Variants in CPED1 observed in about 807,000 individuals in gnomAD.
CPED1 encodes cadherin like and PC-esterase domain containing 1.
A neutral mutation model predicts 128.2 loss-of-function variants in CPED1; 114 were observed. The observed-to-expected ratio is 0.89, with a 90% CI of 0.76 to 1.04. CPED1 has a LOEUF of 1.04. CPED1 is among the 50% of genes least tolerant of loss of function. CPED1 has a pLI of 0.00. For synonymous variants in CPED1, 462 were observed against 426.7 expected (o/e 1.08, Z -1.02); for missense variants, 1,211 against 1,207.1 (o/e 1.00, Z -0.05).
At chr7:121,203,261 G>C (rs1797441148) in intron 16 of CPED1, among the ~76,000 whole-genome samples, 1 of 151,992 alleles carries the variant, frequency 6.6e-6, no homozygotes, top group Admixed American at 6.6e-5. Context: ...TTCTCTCAGA[G>C]GCTAATCCCT....
At chr7:120,996,149 G>A (rs763484288) in intron 2 of CPED1, among the ~76,000 whole-genome samples, 33 of 152,134 alleles carry the variant, frequency 2.2e-4, no homozygotes, top group African/African-American at 2.6e-4. Context: ...GGGATTGATG[G>A]CATGTGCCTG....
intron 2 of CPED1, among the ~76,000 whole-genome samples, chr7:121,000,751 T>G (rs926077057): frequency 2.6e-5 from 4 of 152,282 alleles, no homozygotes; most frequent in Middle Eastern, 3.4e-3. Context: ...CTGTTAAGTA[T>G]ATTGAATAAG....
At chr7:121,007,231 ATT>A (rs398006038) in intron 2 of CPED1, among the ~76,000 whole-genome samples, 7 of 129,816 alleles carry the variant, frequency 5.4e-5, no homozygotes, top group Admixed American at 8.0e-5. Context: ...TTCAGGTTGC[ATT>A]TTTTTTTTTT....
intron 21 of CPED1, among the ~76,000 whole-genome samples, chr7:121,268,901 C>T (rs1468699301): frequency 6.6e-6 from 1 of 151,938 alleles, no homozygotes; most frequent in African/African-American, 2.4e-5. Flanking sequence ...CTGCTCCTAC[C>T]ATGAGCTCCT....
In CPED1 at chr7:121,266,350, G is replaced by C. The variant is rs758063725; in HGVS notation, c.2434G>C (p.Gly812Arg). 19 of 1,612,944 alleles carry C rather than the reference G, an allele frequency of 1.2e-5. No homozygotes were observed. The South Asian group carries it at 1.8e-4, about 15-fold the overall frequency. The change falls in exon 19 of 23, where the codon GGG (glycine) becomes CGG (arginine). Residue 812 changes from glycine (G) to arginine (R), a missense_variant. By Grantham distance (125) the Gly-to-Arg change is moderately radical. Transcript: ENST00000310396. ...GTKFYHNVNGGKTLISYSYYP... is the reference protein window; with the variant it reads ...GTKFYHNVNGRKTLISYSYYP... ...TAAATTCTATCACAACGTCAATGGT[G>C]GGAAGACTTTGATCAGTTATTCCTA...
intron 18 of CPED1, among the ~76,000 whole-genome samples, chr7:121,251,596 C>G (rs926347378): frequency 1.3e-4 from 20 of 152,288 alleles, no homozygotes; most frequent in African/African-American, 4.8e-4. Flanking sequence ...TCTCCTTAAG[C>G]TGATAAGCAA....
At chr7:121,233,024 T>C (rs1534016) in intron 16 of CPED1, among the ~76,000 whole-genome samples, 47,376 of 151,922 alleles carry the variant, frequency 0.31, 7,896 homozygotes, top group Middle Eastern at 0.47. Flanking sequence ...GAAGTGGGTG[T>C]CCAGAGGAAT....
intron 16 of CPED1, among the ~76,000 whole-genome samples, chr7:121,188,642 G>A (rs981645006): frequency 1.8e-4 from 27 of 152,074 alleles, no homozygotes; most frequent in African/African-American, 6.3e-4. Flanking sequence ...TTAGAGATGG[G>A]GAAAGGGGAG....
At chr7:121,073,826 T>G (rs977465960) in intron 5 of CPED1, among the ~76,000 whole-genome samples, 7 of 122,194 alleles carry the variant, frequency 5.7e-5, no homozygotes, top group Non-Finnish European at 1.1e-4. Context: ...TTTTTTTTTT[T>G]GCCAAATCCA....
chr7:121,121,949 CTTAG>C (rs546156052), intron 7 of CPED1, among the ~76,000 whole-genome samples: 130 of 152,246 alleles, frequency 8.5e-4, no homozygotes, highest in African/African-American at 2.2e-3. Flanking sequence ...AAGTGGTTCA[CTTAG>C]TTAGTCTAAG....
At position 121,296,425 on chromosome 7, in the gene CPED1, G is replaced by C. The variant is rs956235797; in HGVS notation, c.*773G>C. 3.3e-5 allele frequency: 5 copies of C among 152,060 alleles called. No homozygotes were observed. The highest frequency in any genetic ancestry group is 6.5e-5 in the Admixed American group (1 of 15,270). The allele number at this position is 152,060 out of a possible 1,614,324, so 9.4% of individuals were successfully genotyped here. A position where few individuals can be genotyped will look rare whatever the true frequency, so the allele number is the denominator to read the frequency against. On this transcript the variant is annotated 3_prime_UTR_variant, in exon 23 of 23. Coordinates refer to ENST00000310396, the MANE Select transcript of CPED1 (RefSeq NM_024913.5). Reference sequence around the variant, plus strand: ...TAAGTAACAAAATGTAGTTCCTCATGTATTACTGTACTATGTTTCATTGAT... The same window carrying C: ...TAAGTAACAAAATGTAGTTCCTCATCTATTACTGTACTATGTTTCATTGAT...
At chr7:121,203,579 T>C (rs1052208248) in intron 16 of CPED1, among the ~76,000 whole-genome samples, 1 of 152,070 alleles carries the variant, frequency 6.6e-6, no homozygotes, top group Non-Finnish European at 1.5e-5. Context: ...TTAGTTAGGA[T>C]GCCAATTGCT....
At chr7:121,027,621 G>C (rs1215283415) in intron 3 of CPED1, among the ~76,000 whole-genome samples, 1 of 151,902 alleles carries the variant, frequency 6.6e-6, no homozygotes, top group Admixed American at 6.6e-5. Flanking sequence ...CTGAGGAACA[G>C]AACTCACATC....
intron 22 of CPED1, among the ~76,000 whole-genome samples, chr7:121,274,697 T>A (rs1335226179): frequency 6.6e-6 from 1 of 152,138 alleles, no homozygotes; most frequent in Non-Finnish European, 1.5e-5. Context: ...TTGTACCCCT[T>A]GTACCTCAGC....
intron 4 of CPED1, among the ~76,000 whole-genome samples, chr7:121,062,521 G>A (rs1793699885): frequency 6.6e-6 from 1 of 152,066 alleles, no homozygotes; most frequent in African/African-American, 2.4e-5. Context: ...AAGAATTCAG[G>A]GTTTATGAAA....
intron 16 of CPED1, among the ~76,000 whole-genome samples, chr7:121,221,618 A>G (rs1797880221): frequency 6.6e-6 from 1 of 152,176 alleles, no homozygotes; most frequent in South Asian, 2.1e-4. Flanking sequence ...CATCCTCTCC[A>G]GCATCTGTTG....
chr7:120,996,755 C>G (rs929620501), intron 2 of CPED1, among the ~76,000 whole-genome samples: 8 of 152,184 alleles, frequency 5.3e-5, no homozygotes, highest in African/African-American at 1.9e-4. Context: ...ATCTTAGCAT[C>G]TATCTTCACA....
chr7:121,171,283 G>A (rs867478552), intron 16 of CPED1, among the ~76,000 whole-genome samples: 34 of 152,040 alleles, frequency 2.2e-4, no homozygotes, highest in African/African-American at 6.3e-4. Context: ...CCTTTAATAC[G>A]CTTTTACATA....
chr7:121,003,139 T>C (rs938587030), intron 2 of CPED1, among the ~76,000 whole-genome samples: 4 of 152,136 alleles, frequency 2.6e-5, no homozygotes, highest in Non-Finnish European at 5.9e-5. Flanking sequence ...TCTTTCGTAT[T>C]TTCCATTCAG....
Sources: gnomAD v4.1 joint callset for allele counts (sites outside exome capture counted in the v4.1 genomes callset) on GRCh38, gnomAD v4.1.1 for gene constraint, MANE v1.5 for transcripts, NCBI Gene and HGNC (gene_info 2026-07-23, HGNC 2026-07-21) for gene names.